Variants in GIGYF2 observed in about 807,000 individuals in gnomAD.
The protein encoded by GIGYF2 is GRB10-interacting GYF protein 2.
In GIGYF2, 25 loss-of-function variants were observed where a neutral mutation model predicts 208.1. The ratio of observed to expected loss-of-function variants is 0.12; its 90% CI spans 0.09 to 0.17. The LOEUF (loss-of-function observed/expected upper bound fraction) is 0.17, where lower values mean the gene tolerates loss of function less well. Ranked by LOEUF, GIGYF2 falls within the 10% of genes least tolerant of loss-of-function variation. The pLI is 1.00. For synonymous variants in GIGYF2, 534 were observed against 543.8 expected, an observed-to-expected ratio of 0.98 and a Z score of 0.25; for missense variants, 1,302 against 1,579.4, an observed-to-expected ratio of 0.82 and a Z score of 2.98.
intron 19 of GIGYF2, 199 bp downstream of exon 19, chr2:232,815,936 A>G: frequency 3.5e-6 from 2 of 569,216 alleles, no homozygotes; most frequent in Non-Finnish European, 6.3e-6. Context: ...AATTTAAATT[A>G]CTATGTTTGG....
rs905878147 is a variant in GIGYF2 at position 232,791,017 on chromosome 2, A to G, written c.940A>G (p.Lys314Glu). 1.2e-6 allele frequency: 2 copies of G among 1,614,080 alleles called. No homozygotes were observed. Among genetic ancestry groups the G allele is most frequent in the Non-Finnish European group, 1.7e-6 (2 of 1,179,984 alleles). ...GAFLSLKKVQ[K>E]EPIPEEQEMD... ...TATTCTCTTTCTACAGAAAGTACAG[A>G]AAGAGCCTATTCCAGAAGAGCAGGA... The change falls in exon 11 of 29, where the codon AAA (lysine) becomes GAA (glutamate). Residue 314 changes from lysine (K) to glutamate (E), a missense_variant. Transcript: ENST00000373563.
At chr2:232,697,748 G>C (rs1247775066) in intron 1 of GIGYF2, among the ~76,000 whole-genome samples, 1 of 152,220 alleles carries the variant, frequency 6.6e-6, no homozygotes. Context: ...AGGCCGGCTT[G>C]CTCGGAGCTG....
chr2:232,713,224 C>T (rs190480147), intron 2 of GIGYF2, among the ~76,000 whole-genome samples: 8 of 152,108 alleles, frequency 5.3e-5, no homozygotes, highest in East Asian at 3.9e-4. Context: ...TACAAGCACC[C>T]GCCATCATGT....
In GIGYF2 at chr2:232,766,711, T is replaced by G. The variant is rs539821748; in HGVS notation, c.532+5275T>G. On this transcript the variant is annotated intron_variant, in intron 8 of 28. Transcript: ENST00000373563. ...TAGACCACTCCAGAGTTCTTCTTTA[T>G]TTTCTTTTCCTTTTGGTCAAATAGT... The G allele has an allele frequency of 2.6e-5, 4 of 152,380 alleles. No homozygotes were observed. In the East Asian group the frequency reaches 7.7e-4, roughly 29 times the overall value. 9.4% of individuals were successfully genotyped at this position (152,380 alleles called of 1,614,324 possible).
At chr2:232,753,100 T>C (rs1226647880) in intron 5 of GIGYF2, among the ~76,000 whole-genome samples, 1 of 108,146 alleles carries the variant, frequency 9.2e-6, no homozygotes, top group East Asian at 3.3e-4. Flanking sequence ...CTTGACAGTA[T>C]TTATTTATTT....
intron 5 of GIGYF2, among the ~76,000 whole-genome samples, chr2:232,755,351 A>G (rs1257681050): frequency 6.6e-6 from 1 of 152,078 alleles, no homozygotes; most frequent in Non-Finnish European, 1.5e-5. Context: ...TTGTATTTTC[A>G]GTAGAGACAG....
chr2:232,847,801 T>A (rs77451454), intron 27 of GIGYF2, among the ~76,000 whole-genome samples: 1,877 of 152,328 alleles, frequency 0.012, 45 homozygotes, highest in African/African-American at 0.043. Flanking sequence ...CAGTTCCATT[T>A]TTCTTGGTTT....
At position 232,769,542 on chromosome 2, in the gene GIGYF2, AATTTTTAAACTTTGAAACGT is replaced by A. The variant is rs371029406; in HGVS notation, c.532+8125_532+8144del. Among the ~76,000 whole-genome samples, 738 of 151,556 alleles carry A rather than the reference AATTTTTAAACTTTGAAACGT, an allele frequency of 4.9e-3. 11 individuals carry two copies. The highest frequency in any genetic ancestry group is 0.017 in the African/African-American group (717 of 41,336). ...AAAAAAAAAAAGTGATATTTTGAAG[AATTTTTAAACTTTGAAACGT>A]ATTTTTAAACTTTGAAACTCAGAAA... On this transcript the variant is annotated intron_variant, in intron 8 of 28. Transcript: ENST00000373563.
intron 25 of GIGYF2, among the ~76,000 whole-genome samples, chr2:232,845,312 A>G (rs1056699814): frequency 3.3e-5 from 5 of 152,234 alleles, no homozygotes; most frequent in Non-Finnish European, 5.9e-5. Context: ...CATATTATGA[A>G]TAGAACAATA....
At chr2:232,814,569 C>T (rs1015668287) in intron 18 of GIGYF2, among the ~76,000 whole-genome samples, 2 of 126,598 alleles carry the variant, frequency 1.6e-5, no homozygotes, top group East Asian at 2.3e-4. Context: ...CCTCAAACCC[C>T]CCCCCCCCAA....
intron 8 of GIGYF2, chr2:232,771,134 C>T: frequency 1.9e-6 from 3 of 1,614,122 alleles, no homozygotes; most frequent in Non-Finnish European, 1.7e-6. Flanking sequence ...TCAGCCAGAA[C>T]ATACCAGAGC....
rs566257347 is a variant in GIGYF2 at position 232,768,180 on chromosome 2, A to G, written c.532+6744A>G. The G allele has an allele frequency of 1.2e-5, 20 of 1,613,828 alleles. No homozygotes were observed. In the African/African-American group the frequency reaches 2.3e-4, roughly 18 times the overall value. On this transcript the variant is annotated intron_variant, in intron 8 of 28. Transcript: ENST00000373563. ...CTGGGTGTATTTAATACATTAAAAA[A>G]TGGATAAGTCTTATTCTGTCAGTCC...
chr2:232,704,940 A>G (rs1190368373), intron 2 of GIGYF2, among the ~76,000 whole-genome samples: 1 of 138,866 alleles, frequency 7.2e-6, no homozygotes, highest in Non-Finnish European at 1.5e-5. Flanking sequence ...GCTCACTGCA[A>G]GCTCCGCCTC....
At chr2:232,854,817 A>T (rs1177589482) in intron 28 of GIGYF2, among the ~76,000 whole-genome samples, 1 of 152,200 alleles carries the variant, frequency 6.6e-6, no homozygotes, top group Middle Eastern at 3.2e-3. Flanking sequence ...AAAAAACAAG[A>T]GGCTGCAGAA....
At position 232,850,253 on chromosome 2, in the gene GIGYF2, A is replaced by G; in HGVS notation, c.3685-9A>G. The G allele has an allele frequency of 6.2e-7, 1 of 1,612,186 alleles. No homozygotes were observed. Among genetic ancestry groups the G allele is most frequent in the Non-Finnish European group, 8.5e-7 (1 of 1,178,172 alleles). On this transcript the variant is annotated splice_polypyrimidine_tract_variant and intron_variant, in intron 27 of 28. Transcript: ENST00000373563. ...CTGTGTAATCTCAGTCATGCTGCTT[A>G]TTTCACAGGACTCTGTGTGGGGGAT...
chr2:232,730,821 C>T (rs1362113594), intron 2 of GIGYF2, among the ~76,000 whole-genome samples: 1 of 142,794 alleles, frequency 7.0e-6, no homozygotes, highest in African/African-American at 2.6e-5. Context: ...TGGCGTGAAC[C>T]CGGGAGGCGG....
Position 232,858,531 on chromosome 2 carries a change from A to G in GIGYF2, c.*1671A>G, listed in dbSNP as rs1690657414. The G allele has an allele frequency of 6.6e-6, 3 of 456,440 alleles. No homozygotes were observed. The highest frequency in any genetic ancestry group is 1.3e-5 in the Non-Finnish European group (3 of 226,782). 28.3% of individuals were successfully genotyped at this position (456,440 alleles called of 1,614,324 possible). On this transcript the variant is annotated 3_prime_UTR_variant, in exon 29 of 29. Transcript: ENST00000373563. ...CAAAAGTTGGGGGTGGGTAAGAGGG[A>G]TAGTTAAAATGTTTACAAAACTTTA...
intron 21 of GIGYF2, among the ~76,000 whole-genome samples, chr2:232,827,695 CCA>C (rs1701292506): frequency 6.6e-6 from 1 of 152,158 alleles, no homozygotes; most frequent in Non-Finnish European, 1.5e-5. Context: ...TTGATTCCTG[CCA>C]CACAGTTATT....
At chr2:232,746,480 A>G (rs1172314442) in intron 3 of GIGYF2, among the ~76,000 whole-genome samples, 2 of 152,126 alleles carry the variant, frequency 1.3e-5, no homozygotes, top group Non-Finnish European at 2.9e-5. Flanking sequence ...GGTCCCTTTC[A>G]TGCTTGATAT....
Sources: gnomAD v4.1 joint callset for allele counts (sites outside exome capture counted in the v4.1 genomes callset) on GRCh38, gnomAD v4.1.1 for gene constraint, MANE v1.5 for transcripts, NCBI Gene and HGNC (gene_info 2026-07-23, HGNC 2026-07-21) for gene names.